The following LPAR1 variants were observed in gnomAD, a reference collection of about 807,000 sequenced individuals.
The protein encoded by LPAR1 is LPA receptor 1.
In LPAR1, 5 loss-of-function variants were observed where a neutral mutation model predicts 23.8. The ratio of observed to expected loss-of-function variants is 0.21; its 90% CI spans 0.11 to 0.44. The LOEUF (loss-of-function observed/expected upper bound fraction) is 0.44, where lower values mean the gene tolerates loss of function less well. Among genes scored for constraint, LPAR1 ranks in the 20% least tolerant of loss-of-function variants. The pLI, the probability that LPAR1 is intolerant of heterozygous loss-of-function variation, is 0.99. For synonymous variants in LPAR1, 160 were observed against 164.7 expected (o/e 0.97, Z 0.22); for missense variants, 311 against 482.8 (o/e 0.64, Z 3.33).
At chr9:110,979,796 T>C in intron 2 of LPAR1, among the ~76,000 whole-genome samples, 1 of 151,970 alleles carries the variant, frequency 6.6e-6, no homozygotes, top group East Asian at 1.9e-4. Context: ...AGGCATGTGA[T>C]ACAGGAAACA....
chr9:110,886,592 C>T (rs956603251), intron 5 of LPAR1, among the ~76,000 whole-genome samples: 1 of 152,076 alleles, frequency 6.6e-6, no homozygotes, highest in African/African-American at 2.4e-5. Context: ...CACTCAGGAT[C>T]CTCAGTCTTC....
chr9:111,016,547 A>G (rs1383897025), intron 2 of LPAR1, among the ~76,000 whole-genome samples: 1 of 152,196 alleles, frequency 6.6e-6, no homozygotes, highest in Non-Finnish European at 1.5e-5. Flanking sequence ...AAGACTCCAC[A>G]AAATCCGTGC....
At chr9:110,942,277 C>T (rs1174937692) in intron 4 of LPAR1, 109 bp from the exon 5 acceptor site, 1 of 939,730 alleles carries the variant, frequency 1.1e-6, no homozygotes, top group Non-Finnish European at 1.6e-6. Flanking sequence ...AAAACAAAAG[C>T]AAATAATTTG....
intron 5 of LPAR1, among the ~76,000 whole-genome samples, chr9:110,879,503 T>A (rs1751242): frequency 0.4 from 60,564 of 151,020 alleles, 12,429 homozygotes; most frequent in East Asian, 0.55. Context: ...AGATAAGATG[T>A]CCAAGGTCAC....
chr9:110,960,967 T>TA (rs1408033309), intron 4 of LPAR1, among the ~76,000 whole-genome samples: 1 of 152,180 alleles, frequency 6.6e-6, no homozygotes, highest in East Asian at 1.9e-4. Context: ...GAAAGGCTAA[T>TA]AACAATATAT....
chr9:110,932,074 C>T (rs972011744), intron 5 of LPAR1, among the ~76,000 whole-genome samples: 5 of 151,430 alleles, frequency 3.3e-5, no homozygotes, highest in African/African-American at 4.8e-5. Flanking sequence ...TTAATTATAA[C>T]GACCTTATGG....
At chr9:110,920,187 G>A (rs1250904994) in intron 5 of LPAR1, among the ~76,000 whole-genome samples, 1 of 152,198 alleles carries the variant, frequency 6.6e-6, no homozygotes, top group African/African-American at 2.4e-5. Flanking sequence ...AGGTGGTTAG[G>A]CAGCAACAGC....
intron 2 of LPAR1, among the ~76,000 whole-genome samples, chr9:111,004,705 AC>A (rs1240861581): frequency 2.0e-5 from 3 of 151,996 alleles, no homozygotes; most frequent in Admixed American, 6.6e-5. Context: ...ATGTTGGCTT[AC>A]CCCCAAGCTC....
chr9:111,005,316 G>A (rs1477981973), intron 2 of LPAR1, among the ~76,000 whole-genome samples: 3 of 151,702 alleles, frequency 2.0e-5, no homozygotes, highest in Non-Finnish European at 4.4e-5. Context: ...GCTCATGCCT[G>A]TAATCCCAGC....
chr9:110,877,009 G>T (rs1359046700), intron 5 of LPAR1, among the ~76,000 whole-genome samples: 1 of 152,144 alleles, frequency 6.6e-6, no homozygotes, highest in Non-Finnish European at 1.5e-5. Flanking sequence ...GTGTAATCAG[G>T]CAGGCTACAT....
At chr9:111,027,291 T>G (rs2097709422) in intron 2 of LPAR1, among the ~76,000 whole-genome samples, 1 of 152,058 alleles carries the variant, frequency 6.6e-6, no homozygotes, top group African/African-American at 2.4e-5. Flanking sequence ...AGTTCAAGAC[T>G]AGCCTGGGTA....
intron 4 of LPAR1, among the ~76,000 whole-genome samples, chr9:110,963,756 T>C (rs564067520): frequency 6.6e-5 from 10 of 152,210 alleles, no homozygotes; most frequent in Admixed American, 3.9e-4. Context: ...GCTGATACTA[T>C]ACAAAGCACT....
chr9:111,024,546 A>G (rs935150341), intron 2 of LPAR1, among the ~76,000 whole-genome samples: 11 of 34,830 alleles, frequency 3.2e-4, no homozygotes, highest in East Asian at 1.9e-3. Context: ...GTGTGTGTGT[A>G]TATATATACA....
rs1404308094 is a variant in LPAR1, at chr9:110,875,465, T to C, written c.1051A>G (p.Thr351Ala). ...TTGCTGTGAACTCCAGCCAAGATGG[T>C]GTGGTTGAGGGAGGAAGCCGAGCGG... ...SDRSASSLNH[T>A]ILAGVHSNDH... Residue 351 changes from threonine to alanine, a missense_variant, in exon 6 of 6, where the codon ACC (threonine) becomes GCC (alanine). Transcript: ENST00000683809. The C allele has an allele frequency of 6.2e-7, 1 of 1,613,652 alleles. No individual in the cohort carries two copies. Among genetic ancestry groups the C allele is most frequent in the African/African-American group, 1.3e-5 (1 of 74,958 alleles).
chr9:110,932,441 A>G (rs935108258), intron 5 of LPAR1, among the ~76,000 whole-genome samples: 1 of 152,268 alleles, frequency 6.6e-6, no homozygotes, highest in Non-Finnish European at 1.5e-5. Context: ...CGGCTAGAGA[A>G]CAGCAATCAG....
intron 2 of LPAR1, among the ~76,000 whole-genome samples, chr9:110,993,129 T>C (rs1440453743): frequency 6.6e-6 from 1 of 151,544 alleles, no homozygotes; most frequent in Non-Finnish European, 1.5e-5. Flanking sequence ...CACAAACTAA[T>C]TTTTTTTTAA....
At chr9:110,934,717 T>G (rs2094584301) in intron 5 of LPAR1, among the ~76,000 whole-genome samples, 1 of 151,964 alleles carries the variant, frequency 6.6e-6, no homozygotes, top group Admixed American at 6.6e-5. Context: ...CGGAAAAAAT[T>G]AACACAGGGA....
At chr9:110,905,025 C>A (rs1167950298) in intron 5 of LPAR1, among the ~76,000 whole-genome samples, 1 of 152,198 alleles carries the variant, frequency 6.6e-6, no homozygotes, top group Non-Finnish European at 1.5e-5. Context: ...AGGAATTATT[C>A]ATTTCTTTCC....
chr9:110,879,786 C>T (rs2080220179), intron 5 of LPAR1, among the ~76,000 whole-genome samples: 1 of 152,146 alleles, frequency 6.6e-6, no homozygotes, highest in Non-Finnish European at 1.5e-5. Context: ...ATCAGGACAG[C>T]AGCACTGGGA....
Sources: gnomAD v4.1 joint callset for allele counts (sites outside exome capture counted in the v4.1 genomes callset) on GRCh38, gnomAD v4.1.1 for gene constraint, MANE v1.5 for transcripts, NCBI Gene and HGNC (gene_info 2026-07-23, HGNC 2026-07-21) for gene names.